GREB1: variants seen among roughly 807,000 people sequenced by gnomAD.
GREB1 encodes the protein growth regulating estrogen receptor binding 1.
In GREB1, 106 loss-of-function variants were observed where a neutral mutation model predicts 200.7. The ratio of observed to expected loss-of-function variants is 0.53; its 90% CI spans 0.45 to 0.62. The LOEUF is 0.62. Among genes scored for constraint, GREB1 ranks in the 20% least tolerant of loss-of-function variants. The pLI is 0.00. For synonymous variants in GREB1, 1,132 were observed against 1,092.4 expected (o/e 1.04, Z -0.72); for missense variants, 2,243 against 2,556.8 (o/e 0.88, Z 2.65).
chr2:11,624,908 C>T (rs115962541), intron 23 of GREB1, among the ~76,000 whole-genome samples: 2,046 of 152,160 alleles, frequency 0.013, 21 homozygotes, highest in South Asian at 0.053. Flanking sequence ...CCCAGGGAAT[C>T]CAAAAGAGTG....
At position 11,629,255 on chromosome 2, in the gene GREB1, C is replaced by T. The variant is rs943851168; in HGVS notation, c.4450-693C>T. Among the ~76,000 whole-genome samples the T allele has an allele frequency of 6.6e-6, 1 of 152,018 alleles. No individual in the cohort carries two copies. Among genetic ancestry groups the T allele is most frequent in the African/African-American group, 2.4e-5 (1 of 41,384 alleles). On this transcript the variant is annotated intron_variant, in intron 25 of 32. Coordinates refer to ENST00000381486, the MANE Select transcript of GREB1 (RefSeq NM_014668.4). The surrounding 1 kb of genome is among the most constrained non-coding windows in gnomAD (Gnocchi z 5.2). ...GTGGGTCGGTGGGGTCGTAAGAGGACGTTCAAGCTGAGGGCAAAGCTGCGC... is the reference window on the plus strand; with the variant it reads ...GTGGGTCGGTGGGGTCGTAAGAGGATGTTCAAGCTGAGGGCAAAGCTGCGC...
chr2:11,622,887 A>G (rs1684121581), intron 23 of GREB1, among the ~76,000 whole-genome samples: 1 of 152,244 alleles, frequency 6.6e-6, no homozygotes, highest in African/African-American at 2.4e-5. Context: ...TCTCACAGCA[A>G]ACAGCACAAG....
intron 1 of GREB1, among the ~76,000 whole-genome samples, chr2:11,509,621 A>G (rs1249981845): frequency 2.0e-5 from 3 of 152,264 alleles, no homozygotes; most frequent in South Asian, 4.1e-4. Flanking sequence ...CTAATCCCCA[A>G]TGTGATAGTA....
In GREB1 at chr2:11,514,959, TATCC is replaced by T. The variant is rs553505477; in HGVS notation, c.-159+32603_-159+32606del. On this transcript the variant is annotated intron_variant, in intron 1 of 2. Transcript: ENST00000628795. ...TCCATCTTCCCATCTCTTCCTCCAC[TATCC>T]ATCCATCCATCCATCCATCCATCCG... 1.3e-3 allele frequency among the ~76,000 whole-genome samples: 201 copies of T among 151,978 alleles called. 1 individual carries two copies. Among genetic ancestry groups the T allele is most frequent in the Middle Eastern group, 6.8e-3 (2 of 294 alleles).
chr2:11,515,058 A>ACG (rs1558493954), intron 1 of GREB1, among the ~76,000 whole-genome samples: 7 of 139,276 alleles, frequency 5.0e-5, no homozygotes, highest in African/African-American at 1.9e-4. Context: ...ATCCATCCAC[A>ACG]CATGTATCCA....
chr2:11,585,340 G>T (rs963070394), intron 8 of GREB1, 66 bp downstream of exon 8: 65 of 952,524 alleles, frequency 6.8e-5, no homozygotes, highest in Non-Finnish European at 1.0e-4. Flanking sequence ...GCTGCCAGTT[G>T]TGTGTATGTG....
intron 4 of GREB1, among the ~76,000 whole-genome samples, chr2:11,574,667 G>A (rs958210353): frequency 1.3e-5 from 2 of 152,228 alleles, no homozygotes; most frequent in Admixed American, 1.3e-4. Flanking sequence ...CACACTTTCT[G>A]TACCTATGGA....
chr2:11,522,696 A>G (rs1026061390), intron 1 of GREB1, among the ~76,000 whole-genome samples: 1 of 152,190 alleles, frequency 6.6e-6, no homozygotes, highest in Admixed American at 6.5e-5. Flanking sequence ...TTCTGATGGG[A>G]CACAGAATGA....
intron 11 of GREB1, among the ~76,000 whole-genome samples, chr2:11,594,658 G>A (rs189153068): frequency 2.7e-5 from 4 of 149,766 alleles, no homozygotes; most frequent in Admixed American, 1.3e-4. Flanking sequence ...CCCGACCAGC[G>A]TTCTTTAATC....
At position 11,625,325 on chromosome 2, in the gene GREB1, ATC is replaced by A. The variant is rs775059395; in HGVS notation, c.4306+18_4306+19del. ...ATAAAGAGTGAAGGTCAGACTTTGA[ATC>A]TCTCGTTTCACCTTCCAGAGTGCAT... On this transcript the variant is annotated intron_variant, in intron 24 of 32. Transcript: ENST00000381486. The A allele has an allele frequency of 9.5e-4, 1,529 of 1,613,458 alleles. 3 individuals carry two copies. Among genetic ancestry groups the A allele is most frequent in the South Asian group, 2.8e-3 (252 of 91,040 alleles).
At chr2:11,636,893 G>A (rs369836211) in intron 30 of GREB1, among the ~76,000 whole-genome samples, 2 of 146,198 alleles carry the variant, frequency 1.4e-5, no homozygotes, top group Non-Finnish European at 3.0e-5. Context: ...GGCATGGACA[G>A]AGCCAGGGAC....
At chr2:11,610,388 C>T (rs1682810601) in intron 17 of GREB1, among the ~76,000 whole-genome samples, 1 of 152,192 alleles carries the variant, frequency 6.6e-6, no homozygotes, top group African/African-American at 2.4e-5. Flanking sequence ...ACCATTTATT[C>T]ATCTGCTCAT....
chr2:11,637,223 G>C (rs921222526), intron 30 of GREB1, among the ~76,000 whole-genome samples: 5 of 152,172 alleles, frequency 3.3e-5, no homozygotes, highest in Non-Finnish European at 7.4e-5. Flanking sequence ...CTATGGGAAA[G>C]TTCCAGACTT....
chr2:11,633,012 C>CTGATGAT lies in GREB1; in HGVS notation c.4940_4941insTGATGAT (p.Cys1648AspfsTer96). On this transcript the variant is annotated frameshift_variant, in exon 28 of 33. Coordinates refer to ENST00000381486, the MANE Select transcript of GREB1 (RefSeq NM_014668.4). LOFTEE classifies it high-confidence loss of function. This position sits in a 1 kb window ranked among gnomAD's most constrained non-coding sequence, Gnocchi z 4.1. The stretch of plus-strand genomic sequence containing the variant: ...CCTTTCATTGTGATCTCTGATGACT[C>CTGATGAT]CTGCGTGATGTGGAACGTGGTGGAT... The CTGATGAT allele has an allele frequency of 2.5e-6, 4 of 1,614,166 alleles. No individual in the cohort carries two copies. Among genetic ancestry groups the CTGATGAT allele is most frequent in the Non-Finnish European group, 3.4e-6 (4 of 1,180,032 alleles).
intron 26 of GREB1, among the ~76,000 whole-genome samples, chr2:11,630,848 G>C (rs752394516): frequency 1.3e-5 from 2 of 152,200 alleles, no homozygotes; most frequent in Non-Finnish European, 2.9e-5. Flanking sequence ...GATCACCTCA[G>C]AGTCAGTTGG....
rs550683190 is a variant in GREB1 at position 11,504,087 on chromosome 2, C to T, written c.-159+21706C>T. Among the ~76,000 whole-genome samples, 6 of 152,300 alleles carry T rather than the reference C, an allele frequency of 3.9e-5. No individual in the cohort carries two copies. In the South Asian group the frequency reaches 1.2e-3, roughly 32 times the overall value. ...TTAAGTGAATGTGGTTTCTCTCCTT[C>T]TGTCTCTTACTGTACTGTACTCACC... On this transcript the variant is annotated intron_variant, in intron 1 of 2. Transcript: ENST00000628795.
intron 1 of GREB1, among the ~76,000 whole-genome samples, chr2:11,509,912 C>A (rs562493118): frequency 6.6e-6 from 1 of 152,298 alleles, no homozygotes; most frequent in African/African-American, 2.4e-5. Flanking sequence ...AGAGCAGCTC[C>A]AATGGGCTAA....
chr2:11,524,494 T>A (rs1269321869), intron 1 of GREB1, among the ~76,000 whole-genome samples: 4 of 152,348 alleles, frequency 2.6e-5, no homozygotes, highest in African/African-American at 7.2e-5. Flanking sequence ...TGTGCCATAC[T>A]TAGGTGGAAA....
chr2:11,576,258 G>A (rs190915398), intron 4 of GREB1, 95 bp from the exon 5 acceptor site: 1 of 996,194 alleles, frequency 1.0e-6, no homozygotes, highest in East Asian at 2.4e-5. Flanking sequence ...AGCGAGCCGA[G>A]ATCGCACCAT....
Sources: gnomAD v4.1 joint callset for allele counts (sites outside exome capture counted in the v4.1 genomes callset) on GRCh38, gnomAD v4.1.1 for gene constraint, Gnocchi (gnomAD v3.1) non-coding constraint, MANE v1.5 for transcripts, NCBI Gene and HGNC (gene_info 2026-07-23, HGNC 2026-07-21) for gene names.